Variants in EDNRB observed in about 807,000 individuals in gnomAD.
EDNRB encodes endothelin receptor type B.
Under a neutral mutation model 46.4 loss-of-function variants are expected in EDNRB, and 18 were observed. The ratio of observed to expected loss-of-function variants is 0.39; its 90% CI spans 0.27 to 0.57. EDNRB has a LOEUF of 0.57. EDNRB is among the 20% of genes least tolerant of loss of function. EDNRB has a pLI of 0.61. For missense variants in EDNRB, 434 were observed against 537.5 expected (o/e 0.81, Z 1.90); for synonymous variants, 213 against 204.9 (o/e 1.04, Z -0.34).
chr13:77,937,701 A>G (rs1201681391), intron 1 of EDNRB, among the ~76,000 whole-genome samples: 1 of 152,074 alleles, frequency 6.6e-6, no homozygotes, highest in Non-Finnish European at 1.5e-5. Flanking sequence ...TGATAAAAGG[A>G]TTATAGGGTG....
intron 1 of EDNRB, among the ~76,000 whole-genome samples, chr13:77,915,841 G>A (rs909470904): frequency 2.6e-5 from 4 of 152,168 alleles, no homozygotes; most frequent in Non-Finnish European, 4.4e-5. Context: ...GCTTATTTCA[G>A]AAGTAAAAAC....
chr13:77,903,543 GCTTT>G lies in EDNRB; in HGVS notation c.544_547del (p.Lys182ProfsTer8). 6.2e-7 allele frequency: 1 copy of G among 1,612,850 alleles called. No homozygotes were observed. Among genetic ancestry groups the G allele is most frequent in the South Asian group, 1.1e-5 (1 of 91,064 alleles). On this transcript the variant is annotated frameshift_variant, in exon 2 of 7. Transcript: ENST00000646607. LOFTEE classifies it high-confidence loss of function. Reference sequence around the variant, plus strand: ...ACTCAGCACAGTGATTCCCACAGAGGCTTTCTGTATGAAAGGCACCAGCTTACAC... The same window carrying G: ...ACTCAGCACAGTGATTCCCACAGAGGCTGTATGAAAGGCACCAGCTTACAC...
upstream of EDNRB, among the ~76,000 whole-genome samples, chr13:77,923,745 T>G (rs1880150980): frequency 6.6e-6 from 1 of 151,928 alleles, no homozygotes. Flanking sequence ...AACTTGGATC[T>G]TTAGCTATTT....
At chr13:77,919,001 A>G (rs1261453752), upstream of EDNRB, 2 of 766,222 alleles carry the variant, frequency 2.6e-6, no homozygotes, top group Non-Finnish European at 3.4e-6. Flanking sequence ...CGCGGAATTA[A>G]GGCACCTAGA....
At position 77,896,829 on chromosome 13, in the gene EDNRB, C is replaced by T. The variant is rs1347994273; in HGVS notation, c.*1371G>A. ...ACTTTCACACACATCTCATCCCAAG[C>T]TATCCTAAGGCACTTTGCTTAGAAG... On this transcript the variant is annotated 3_prime_UTR_variant, in exon 7 of 7. Coordinates refer to ENST00000646607, the MANE Select transcript of EDNRB (RefSeq NM_001122659.3). The T allele has an allele frequency of 8.7e-7, 1 of 1,154,608 alleles. No individual in the cohort carries two copies. Among genetic ancestry groups the T allele is most frequent in the East Asian group, 5.7e-5 (1 of 17,452 alleles). The allele number at this position is 1,154,608 out of a possible 1,614,324, so 71.5% of individuals were successfully genotyped here.
intron 1 of EDNRB, among the ~76,000 whole-genome samples, chr13:77,931,243 T>C (rs1336245027): frequency 6.6e-6 from 1 of 152,192 alleles, no homozygotes; most frequent in Non-Finnish European, 1.5e-5. Context: ...TGAGTTTTAT[T>C]AGAGTTTGTA....
chr13:77,901,072 C>A lies in EDNRB; in HGVS notation c.937G>T (p.Asp313Tyr), dbSNP rs907722017. 2 of 1,610,550 alleles carry A rather than the reference C, an allele frequency of 1.2e-6. No homozygotes were observed. Among genetic ancestry groups the A allele is most frequent in the South Asian group, 1.1e-5 (1 of 90,948 alleles). The stretch of plus-strand genomic sequence containing the variant: ...TATTTTCTTACCTGCTTTAGGTGAT[C>A]ATTTAAAGCAATCTGCATGCCACTT... ...KKSGMQIALNDHLKQRREVAK... is the reference protein window; with the variant it reads ...KKSGMQIALNYHLKQRREVAK... Residue 313 changes from aspartate to tyrosine, a missense_variant, in exon 4 of 7, where the codon GAT (aspartate) becomes TAT (tyrosine). Transcript: ENST00000646607.
intron 1 of EDNRB, among the ~76,000 whole-genome samples, chr13:77,947,993 G>T (rs923052095): frequency 6.6e-6 from 1 of 152,064 alleles, no homozygotes; most frequent in Non-Finnish European, 1.5e-5. Flanking sequence ...AATTAGAAGG[G>T]AGTGGGTAAT....
intron 1 of EDNRB, 97 bp from the exon 2 acceptor site, chr13:77,903,704 T>C (rs986867539): frequency 1.0e-5 from 10 of 1,001,896 alleles, no homozygotes; most frequent in African/African-American, 1.6e-5. Context: ...CAGAGTAGGA[T>C]AAACTCTGGT....
chr13:77,962,689 G>A (rs182723775), intron 1 of EDNRB, among the ~76,000 whole-genome samples: 3 of 152,244 alleles, frequency 2.0e-5, no homozygotes, highest in East Asian at 1.9e-4. Flanking sequence ...AAAACTGGAA[G>A]CATTCCGTTT....
chr13:77,900,724 C>A, intron 4 of EDNRB, 70 bp from the exon 5 acceptor site: 1 of 1,597,992 alleles, frequency 6.3e-7, no homozygotes, highest in Non-Finnish European at 8.6e-7. Context: ...TCTTCTAAAA[C>A]GACATTTAAT....
rs370919699 is a variant in EDNRB, at chr13:77,917,993, A to G, written c.483+98T>C. 697 of 1,576,422 alleles carry G rather than the reference A, an allele frequency of 4.4e-4. 12 individuals are homozygous for G. In the South Asian group the frequency reaches 7.3e-3, roughly 16 times the overall value. On this transcript the variant is annotated intron_variant, in intron 1 of 6. Coordinates refer to ENST00000646607, the MANE Select transcript of EDNRB (RefSeq NM_001122659.3). ...TAGGAGGGGCAGAACCTTAAGAGGG[A>G]GCTAAAGGGAAGCTCCCTCTACAAG...
At chr13:77,946,158 G>A (rs1375871095) in intron 1 of EDNRB, among the ~76,000 whole-genome samples, 1 of 152,194 alleles carries the variant, frequency 6.6e-6, no homozygotes, top group East Asian at 1.9e-4. Flanking sequence ...ATTCAGAAGT[G>A]TAGATAAATT....
At position 77,897,905 on chromosome 13, in the gene EDNRB, A is replaced by C. The variant is rs1878716263; in HGVS notation, c.*295T>G. The C allele has an allele frequency of 9.0e-7, 1 of 1,113,654 alleles. No individual in the cohort carries two copies. Among genetic ancestry groups the C allele is most frequent in the Non-Finnish European group, 1.1e-6 (1 of 908,162 alleles). 69.0% of individuals were successfully genotyped at this position (1,113,654 alleles called of 1,614,324 possible). A position where few individuals can be genotyped will look rare whatever the true frequency, so the allele number is the denominator to read the frequency against. Reference sequence around the variant, plus strand: ...TCTGAGTGAGCTCATTTTTAAGCCTAAGTGTTGTGTGAATATCCTGGAAGT... The same window carrying C: ...TCTGAGTGAGCTCATTTTTAAGCCTCAGTGTTGTGTGAATATCCTGGAAGT... On this transcript the variant is annotated 3_prime_UTR_variant, in exon 7 of 7. Coordinates refer to ENST00000646607, the MANE Select transcript of EDNRB (RefSeq NM_001122659.3).
chr13:77,967,249 CT>C (rs1018032271), intron 1 of EDNRB, among the ~76,000 whole-genome samples: 2 of 152,042 alleles, frequency 1.3e-5, no homozygotes, highest in African/African-American at 2.4e-5. Context: ...CATCCCCAAC[CT>C]TTTTTTGTCT....
At chr13:77,966,095 C>T (rs1325498898) in intron 1 of EDNRB, among the ~76,000 whole-genome samples, 1 of 151,866 alleles carries the variant, frequency 6.6e-6, no homozygotes, top group Non-Finnish European at 1.5e-5. Context: ...TGCTATGTTC[C>T]CCAGGTTGGT....
chr13:77,961,173 C>T (rs1594399098), intron 1 of EDNRB, among the ~76,000 whole-genome samples: 1 of 152,130 alleles, frequency 6.6e-6, no homozygotes, highest in Non-Finnish European at 1.5e-5. Context: ...GAATTGAACT[C>T]AGCTCTGCAC....
rs200943218 is a variant in EDNRB at position 77,896,428 on chromosome 13, A to G, written c.*1772T>C. On this transcript the variant is annotated 3_prime_UTR_variant, in exon 7 of 7. Coordinates refer to ENST00000646607, the MANE Select transcript of EDNRB (RefSeq NM_001122659.3). The stretch of plus-strand genomic sequence containing the variant: ...TGTGGGTGATTTATAAATAGAATCC[A>G]TATGGTGTGTGAATTAATTATTATT... 36 of 1,552,180 alleles carry G rather than the reference A, an allele frequency of 2.3e-5. No homozygotes were observed. The South Asian group carries it at 4.2e-4, about 18-fold the overall frequency.
chr13:77,919,173 A>G (rs1039344603), upstream of EDNRB: 53 of 571,660 alleles, frequency 9.3e-5, no homozygotes, highest in Middle Eastern at 9.9e-4. Flanking sequence ...GGAGATTCGG[A>G]AACCCGCAGA....
Sources: allele counts gnomAD v4.1 joint callset (sites outside exome capture counted in the v4.1 genomes callset), GRCh38; gene constraint gnomAD v4.1.1; transcripts MANE v1.5; gene names NCBI Gene and HGNC (gene_info 2026-07-23, HGNC 2026-07-21).